The following ULK4 variants were observed in gnomAD, a reference collection of about 807,000 sequenced individuals.
The protein encoded by ULK4 is inactive serine/threonine-protein kinase ULK4.
Under a neutral mutation model 160.6 loss-of-function variants are expected in ULK4, and 133 were observed. That is an observed-to-expected ratio of 0.83 (90% CI 0.72 to 0.96). ULK4 has a LOEUF of 0.96. Among genes scored for constraint, ULK4 ranks in the 40% least tolerant of loss-of-function variants. ULK4 has a pLI of 0.00. For synonymous variants in ULK4, 534 were observed against 539.8 expected, an observed-to-expected ratio of 0.99 and a Z score of 0.15; for missense variants, 1,580 against 1,499.5, an observed-to-expected ratio of 1.05 and a Z score of -0.89.
At chr3:41,471,506 T>A (rs1343451770) in intron 32 of ULK4, among the ~76,000 whole-genome samples, 1 of 152,150 alleles carries the variant, frequency 6.6e-6, no homozygotes, top group Non-Finnish European at 1.5e-5. Context: ...CTAACAGACA[T>A]ATGCAGAACA....
intron 29 of ULK4, among the ~76,000 whole-genome samples, chr3:41,667,348 G>C (rs1293752272): frequency 6.6e-6 from 1 of 152,030 alleles, no homozygotes; most frequent in Non-Finnish European, 1.5e-5. Context: ...AAAAAATGAA[G>C]GGCAAAATTC....
At chr3:41,324,360 T>C (rs1477634650) in intron 35 of ULK4, among the ~76,000 whole-genome samples, 3 of 152,360 alleles carry the variant, frequency 2.0e-5, no homozygotes, top group South Asian at 4.1e-4. Context: ...TTTTATCCAA[T>C]TCACTGCATT....
intron 31 of ULK4, among the ~76,000 whole-genome samples, chr3:41,581,267 G>A (rs1005339889): frequency 3.3e-5 from 5 of 152,124 alleles, no homozygotes; most frequent in South Asian, 2.1e-4. Context: ...GGGTGGGGAG[G>A]CAGGCAGAGA....
rs567353531 is a variant in ULK4 at position 41,490,881 on chromosome 3, G to A, written c.3227-27628C>T. ...CTTCTAAATCATTATACACAGAAACGCTCTCAGTAGCTGACACCAATCAGT... is the reference window on the plus strand; with the variant it reads ...CTTCTAAATCATTATACACAGAAACACTCTCAGTAGCTGACACCAATCAGT... On this transcript the variant is annotated intron_variant, in intron 32 of 36. Transcript: ENST00000301831. Among the ~76,000 whole-genome samples, 5 of 152,202 alleles carry A rather than the reference G, an allele frequency of 3.3e-5. No individual in the cohort carries two copies. In the East Asian group the frequency reaches 7.7e-4, roughly 24 times the overall value.
At chr3:41,553,363 G>C (rs1227984566) in intron 32 of ULK4, among the ~76,000 whole-genome samples, 2 of 151,804 alleles carry the variant, frequency 1.3e-5, no homozygotes, top group Non-Finnish European at 2.9e-5. Flanking sequence ...ATCTGACAAG[G>C]AACTAATATC....
chr3:41,842,121 A>G (rs1338297260), intron 17 of ULK4, among the ~76,000 whole-genome samples: 1 of 149,370 alleles, frequency 6.7e-6, no homozygotes, highest in Non-Finnish European at 1.5e-5. Flanking sequence ...GAGAAAACCC[A>G]AGAATGATCA....
chr3:41,885,326 C>T (rs1697679482), intron 16 of ULK4, among the ~76,000 whole-genome samples: 1 of 152,156 alleles, frequency 6.6e-6, no homozygotes, highest in African/African-American at 2.4e-5. Context: ...AAACACACTA[C>T]CTAAAAACCT....
chr3:41,882,217 T>C (rs555528318), intron 17 of ULK4: 145 of 703,022 alleles, frequency 2.1e-4, no homozygotes, highest in Non-Finnish European at 2.9e-4. Context: ...AGGCACTGTC[T>C]AGGCACTGGA....
At chr3:41,649,918 G>A (rs530066064) in intron 30 of ULK4, among the ~76,000 whole-genome samples, 29 of 152,166 alleles carry the variant, frequency 1.9e-4, no homozygotes, top group Non-Finnish European at 3.2e-4. Context: ...CCCATGAACC[G>A]ATCAGCATGA....
At chr3:41,878,121 A>C (rs1697379576) in intron 17 of ULK4, among the ~76,000 whole-genome samples, 1 of 149,626 alleles carries the variant, frequency 6.7e-6, no homozygotes, top group Non-Finnish European at 1.5e-5. Context: ...ACCCAGATTG[A>C]GTTCTCTAAC....
intron 19 of ULK4, among the ~76,000 whole-genome samples, chr3:41,801,872 T>G (rs543423893): frequency 6.7e-5 from 10 of 150,304 alleles, no homozygotes; most frequent in African/African-American, 1.2e-4. Flanking sequence ...TAAAATAAAA[T>G]AAAAAGAAAA....
rs115683375 is a variant in ULK4 at position 41,775,256 on chromosome 3, A to G, written c.2193+14405T>C. ...AAAAATAAAAGAAATATAAAGATTT[A>G]TATTTTTAAATAATTGTATTTTACC... On this transcript the variant is annotated intron_variant, in intron 21 of 36. Coordinates refer to ENST00000301831, the MANE Select transcript of ULK4 (RefSeq NM_017886.4). Among the ~76,000 whole-genome samples the G allele has an allele frequency of 8.4e-3, 1,268 of 150,778 alleles. 124 individuals carry two copies. The highest frequency in any genetic ancestry group is 0.029 in the African/African-American group (1,169 of 40,214).
chr3:41,720,609 G>A (rs1382621143), intron 22 of ULK4, among the ~76,000 whole-genome samples: 1 of 151,876 alleles, frequency 6.6e-6, no homozygotes, highest in Non-Finnish European at 1.5e-5. Context: ...CTAAGAGAAG[G>A]CAGTACACAT....
intron 32 of ULK4, among the ~76,000 whole-genome samples, chr3:41,470,018 GAAAAA>G (rs71094650): frequency 1.0e-3 from 48 of 45,978 alleles, no homozygotes; most frequent in African/African-American, 4.1e-3. Flanking sequence ...AAACAGAACA[GAAAAA>G]AAAAAAAAAA....
At chr3:41,915,653 C>A (rs1698941392) in intron 8 of ULK4, among the ~76,000 whole-genome samples, 1 of 152,110 alleles carries the variant, frequency 6.6e-6, no homozygotes, top group African/African-American at 2.4e-5. Context: ...GCCTGAAATA[C>A]AAAATACAAG....
rs575906541 is a variant in ULK4 at position 41,469,699 on chromosome 3, A to G, written c.3227-6446T>C. Among the ~76,000 whole-genome samples the G allele has an allele frequency of 6.0e-5, 9 of 150,230 alleles. No homozygotes were observed. In the South Asian group the frequency reaches 1.5e-3, roughly 24 times the overall value. On this transcript the variant is annotated intron_variant, in intron 32 of 36. Transcript: ENST00000301831. ...ACCAATGCAAGAACACAAGAATTACAAAGAATCAGGAAATCATGATATATC... is the reference window on the plus strand; with the variant it reads ...ACCAATGCAAGAACACAAGAATTACGAAGAATCAGGAAATCATGATATATC...
At chr3:41,891,886 C>A (rs560481871) in intron 16 of ULK4, among the ~76,000 whole-genome samples, 38 of 152,272 alleles carry the variant, frequency 2.5e-4, no homozygotes, top group African/African-American at 8.7e-4. Context: ...GCCTGAGTGA[C>A]TGAGCGAGAC....
At chr3:41,961,965 G>A (rs899816103) in intron 1 of ULK4, 51 bp downstream of exon 1, 1 of 152,454 alleles carries the variant, frequency 6.6e-6, no homozygotes, top group African/African-American at 2.4e-5. Flanking sequence ...CGACCGCTTA[G>A]GCAGACACGA....
chr3:41,955,336 A>T (rs1700446009), intron 1 of ULK4: 1 of 152,594 alleles, frequency 6.6e-6, no homozygotes, highest in Non-Finnish European at 1.5e-5. Flanking sequence ...TCCCATCAAC[A>T]AGATGTTTTA....
Sources: gnomAD v4.1 joint callset for allele counts (sites outside exome capture counted in the v4.1 genomes callset) on GRCh38, gnomAD v4.1.1 for gene constraint, MANE v1.5 for transcripts, NCBI Gene and HGNC (gene_info 2026-07-23, HGNC 2026-07-21) for gene names.